PHLPP2: variants seen among roughly 807,000 people sequenced by gnomAD.
The protein encoded by PHLPP2 is PH domain leucine-rich repeat-containing protein phosphatase 2.
In PHLPP2, 66 loss-of-function variants were observed where a neutral mutation model predicts 124.9. The observed-to-expected ratio is 0.53, with a 90% CI of 0.43 to 0.65. PHLPP2 has a LOEUF of 0.65. PHLPP2 is among the 30% of genes least tolerant of loss of function. PHLPP2 has a pLI of 0.00. For missense variants in PHLPP2, 1,685 were observed against 1,600.4 expected (o/e 1.05, Z -0.90); for synonymous variants, 681 against 624.7 (o/e 1.09, Z -1.34).
At chr16:71,658,926 G>A in intron 13 of PHLPP2, 111 bp from the exon 14 acceptor site, 1 of 878,714 alleles carries the variant, frequency 1.1e-6, no homozygotes, top group South Asian at 1.6e-5. Context: ...TCCACTGCCA[G>A]ATGACTGGTG....
chr16:71,689,247 C>T (rs1402545510), intron 4 of PHLPP2, among the ~76,000 whole-genome samples: 1 of 151,846 alleles, frequency 6.6e-6, no homozygotes, highest in Non-Finnish European at 1.5e-5. Flanking sequence ...CAGGGACTCA[C>T]TCTGTCACAT....
intron 8 of PHLPP2, chr16:71,677,049 T>A (rs1189436160): frequency 9.4e-6 from 2 of 211,900 alleles, no homozygotes; most frequent in African/African-American, 2.3e-5. Context: ...CGGCCCCCTT[T>A]CTCTGTTTCC....
At chr16:71,685,420 C>T (rs768732835) in intron 4 of PHLPP2, among the ~76,000 whole-genome samples, 2 of 152,202 alleles carry the variant, frequency 1.3e-5, no homozygotes, top group African/African-American at 4.8e-5. Flanking sequence ...GAACCACTTA[C>T]ATCTTTTTGT....
In PHLPP2 at chr16:71,648,956, C is replaced by A. The variant is rs146034837; in HGVS notation, c.3906G>T (p.Arg1302=). The A allele has an allele frequency of 7.0e-5, 113 of 1,613,836 alleles. 1 individual carries two copies. The Middle Eastern group carries it at 8.6e-4, about 12-fold the overall frequency. ...CCTCTTCATGGGGCTCAGGCTCGAGCCGGCTGTCCTGGTGCTGTTTCATTT... is the reference window on the plus strand; with the variant it reads ...CCTCTTCATGGGGCTCAGGCTCGAGACGGCTGTCCTGGTGCTGTTTCATTT... ...KEQMKQHQDS[R]LEPEPHEEDR... The change falls in exon 19 of 19, where the codon CGG becomes CGT. Residue 1302 remains arginine (R), a synonymous_variant. Coordinates refer to ENST00000568954, the MANE Select transcript of PHLPP2 (RefSeq NM_015020.3).
chr16:71,681,122 T>A (rs2044993356), intron 6 of PHLPP2, among the ~76,000 whole-genome samples: 1 of 152,222 alleles, frequency 6.6e-6, no homozygotes, highest in Non-Finnish European at 1.5e-5. Flanking sequence ...ATTTCCAATT[T>A]CTCCCTTCTC....
chr16:71,681,754 T>A lies in PHLPP2; in HGVS notation c.887A>T (p.Tyr296Phe). 6.2e-7 allele frequency: 1 copy of A among 1,611,996 alleles called. No individual in the cohort carries two copies. The highest frequency in any genetic ancestry group is 8.5e-7 in the Non-Finnish European group (1 of 1,179,010). ...TGGAAACCCATTCTCCACATACTTGTAGAGTGTATCGAGGCCTCCGGGTCT... is the reference window on the plus strand; with the variant it reads ...TGGAAACCCATTCTCCACATACTTGAAGAGTGTATCGAGGCCTCCGGGTCT... ...LERPGGLDTL[Y>F]KFSQLKGLNL... The change falls in exon 6 of 19, where the codon TAC becomes TTC. Residue 296 changes from tyrosine to phenylalanine, a missense_variant. Physicochemically the swap from Tyr to Phe is conservative, Grantham distance 22 (BLOSUM62 3). Coordinates refer to ENST00000568954, the MANE Select transcript of PHLPP2 (RefSeq NM_015020.3).
chr16:71,697,482 C>T (rs1015539862), intron 3 of PHLPP2, among the ~76,000 whole-genome samples: 2 of 152,120 alleles, frequency 1.3e-5, no homozygotes, highest in African/African-American at 2.4e-5. Context: ...AATTTTGTTA[C>T]TATGAAAGAA....
intron 2 of PHLPP2, among the ~76,000 whole-genome samples, chr16:71,703,756 T>G (rs60881203): frequency 0.35 from 52,518 of 152,008 alleles, 9,876 homozygotes; most frequent in East Asian, 0.76. Flanking sequence ...CAACAATACC[T>G]AACTCATAAG....
At chr16:71,723,989 T>C (rs2045417320) in intron 1 of PHLPP2, 1 of 232,738 alleles carries the variant, frequency 4.3e-6, no homozygotes, top group Non-Finnish European at 7.1e-6. Context: ...CTCCGGCGGC[T>C]CGCCAGCTCC....
At chr16:71,694,572 T>C (rs1256063968) in intron 3 of PHLPP2, among the ~76,000 whole-genome samples, 5 of 151,828 alleles carry the variant, frequency 3.3e-5, no homozygotes, top group Non-Finnish European at 5.9e-5. Context: ...TGGAAAAAAA[T>C]TGAGTCACAA....
At chr16:71,654,688 T>C (rs1479854681) in intron 17 of PHLPP2, among the ~76,000 whole-genome samples, 1 of 152,230 alleles carries the variant, frequency 6.6e-6, no homozygotes, top group African/African-American at 2.4e-5. Context: ...GTGTATTAAA[T>C]GTAGTTTCTA....
In PHLPP2 at chr16:71,700,519, C is replaced by CTTT. The variant is rs1234453846; in HGVS notation, c.418+2076_418+2078dup. Among the ~76,000 whole-genome samples the CTTT allele has an allele frequency of 5.8e-3, 480 of 83,368 alleles. 4 individuals are homozygous for CTTT. The highest frequency in any genetic ancestry group is 0.01 in the East Asian group (26 of 2,488). 54.7% of individuals were successfully genotyped at this position (83,368 alleles called of 152,430 possible). The stretch of plus-strand genomic sequence containing the variant: ...ATGGGCTGTGTTTAGTGACTCATTT[C>CTTT]TTTTTTTTTTTTTTTTTTTTTTTTG... On this transcript the variant is annotated intron_variant, in intron 3 of 18. Coordinates refer to ENST00000568954, the MANE Select transcript of PHLPP2 (RefSeq NM_015020.3).
chr16:71,702,752 A>AAT, intron 2 of PHLPP2, 21 bp from the exon 3 acceptor site: 3 of 1,519,636 alleles, frequency 2.0e-6, no homozygotes, highest in Admixed American at 1.9e-5. Context: ...AATTCAAAAA[A>AAT]ATATATATAT....
At chr16:71,674,872 C>A (rs928364476) in intron 9 of PHLPP2, among the ~76,000 whole-genome samples, 8 of 152,218 alleles carry the variant, frequency 5.3e-5, no homozygotes, top group Non-Finnish European at 1.2e-4. Context: ...TGGCACACTC[C>A]TGTAATCCCA....
chr16:71,718,453 G>A (rs1254880699), intron 1 of PHLPP2, among the ~76,000 whole-genome samples: 3 of 151,252 alleles, frequency 2.0e-5, no homozygotes, highest in Admixed American at 6.6e-5. Flanking sequence ...GGTGGTGCAC[G>A]CCTGAAATCC....
intron 1 of PHLPP2, among the ~76,000 whole-genome samples, chr16:71,715,745 C>G (rs2045358055): frequency 6.8e-6 from 1 of 147,008 alleles, no homozygotes; most frequent in African/African-American, 2.5e-5. Flanking sequence ...TTAGGAGGCC[C>G]AGGTGAGGGA....
chr16:71,649,994 T>G lies in PHLPP2; in HGVS notation c.2868A>C (p.Thr956=), dbSNP rs745867331. The G allele has an allele frequency of 1.5e-5, 25 of 1,613,296 alleles. No homozygotes were observed. The highest frequency in any genetic ancestry group is 2.0e-5 in the Non-Finnish European group (24 of 1,179,980). The change falls in exon 19 of 19, where the codon ACA becomes ACC. Residue 956 remains threonine (T), a synonymous_variant. Coordinates refer to ENST00000568954, the MANE Select transcript of PHLPP2 (RefSeq NM_015020.3). ...TGGGGAGGATCCAAGGGTAGAGGTA[T>G]GTACAGCCCAGCATCCGGGTACAGC... ...VTCCTRMLGC[T]YLYPWILPKP... is the part of the protein sequence containing the mutation.
intron 3 of PHLPP2, among the ~76,000 whole-genome samples, chr16:71,701,550 T>C (rs1367866570): frequency 2.0e-5 from 3 of 152,174 alleles, no homozygotes; most frequent in African/African-American, 7.2e-5. Flanking sequence ...CTTAAGGGTA[T>C]AGTACATTAA....
intron 3 of PHLPP2, among the ~76,000 whole-genome samples, chr16:71,693,117 T>A: frequency 6.6e-6 from 1 of 152,016 alleles, no homozygotes. Context: ...GGAAACCCCA[T>A]CTCTACTAAA....
Sources: allele counts gnomAD v4.1 joint callset (sites outside exome capture counted in the v4.1 genomes callset), GRCh38; gene constraint gnomAD v4.1.1; transcripts MANE v1.5; gene names NCBI Gene and HGNC (gene_info 2026-07-23, HGNC 2026-07-21).